Variants in KIZ observed in about 807,000 individuals in gnomAD.
The protein encoded by KIZ is centrosomal protein kizuna.
In KIZ, 68 loss-of-function variants were observed where a neutral mutation model predicts 79.6. The ratio of observed to expected loss-of-function variants is 0.85; its 90% CI spans 0.70 to 1.05. The LOEUF (loss-of-function observed/expected upper bound fraction) is 1.05, where lower values mean the gene tolerates loss of function less well. Ranked by LOEUF, KIZ falls within the 50% of genes least tolerant of loss-of-function variation. The pLI is 0.00. For synonymous variants in KIZ, 280 were observed against 281.8 expected (o/e 0.99, Z 0.06); for missense variants, 797 against 800.4 (o/e 1.00, Z 0.05).
chr20:21,162,784 G>C, intron 5 of KIZ, 66 bp from the exon 6 acceptor site: 1 of 1,265,550 alleles, frequency 7.9e-7, no homozygotes, highest in Non-Finnish European at 1.1e-6. Context: ...GAGTAATTCT[G>C]CTGTGTGTTA....
At chr20:21,163,411 C>T (rs1363522556) in intron 6 of KIZ, among the ~76,000 whole-genome samples, 2 of 152,112 alleles carry the variant, frequency 1.3e-5, no homozygotes, top group Non-Finnish European at 2.9e-5. Flanking sequence ...ATGGTGATTG[C>T]AGCTTATAAT....
At chr20:21,235,716 G>C (rs1247130783) in intron 11 of KIZ, among the ~76,000 whole-genome samples, 1 of 152,258 alleles carries the variant, frequency 6.6e-6, no homozygotes, top group East Asian at 1.9e-4. Context: ...CAAAAGGAAA[G>C]GGTGTGTGCT....
chr20:21,166,616 C>A, intron 6 of KIZ: 1 of 1,059,804 alleles, frequency 9.4e-7, no homozygotes, highest in Admixed American at 2.3e-5. Context: ...GCGGAAAGAG[C>A]TTTTGTATTT....
rs1258363809 is a variant in KIZ at position 21,162,424 on chromosome 20, T to C, written c.959T>C (p.Val320Ala). ...EVEEKRASPPVSPIPVSEYCE... is the reference protein window; with the variant it reads ...EVEEKRASPPASPIPVSEYCE... ...GAGGAAAAAAGAGCCAGCCCGCCAG[T>C]CTCTCCGATACCAGTTTCAGAATAC... The change falls in exon 5 of 13, where the codon GTC (valine) becomes GCC (alanine). Residue 320 changes from valine (V) to alanine (A), a missense_variant. Coordinates refer to ENST00000619189, the MANE Select transcript of KIZ (RefSeq NM_018474.6). The C allele has an allele frequency of 6.2e-7, 1 of 1,612,962 alleles. No homozygotes were observed. Among genetic ancestry groups the C allele is most frequent in the East Asian group, 2.2e-5 (1 of 44,850 alleles).
chr20:21,214,632 A>T lies in KIZ; in HGVS notation c.1544A>T (p.Asn515Ile), dbSNP rs2036213730. ...TCTTGCAGCTTGCCATCTATTCTGA[A>T]TGACAATAGTGGAATAAAGGAAGCC... ...ESSCSLPSIL[N>I]DNSGIKEAKP... Residue 515 changes from asparagine to isoleucine, a missense_variant, in exon 8 of 13, where the codon AAT becomes ATT. Transcript: ENST00000619189. The T allele has an allele frequency of 6.2e-7, 1 of 1,612,800 alleles. No homozygotes were observed. The highest frequency in any genetic ancestry group is 8.5e-7 in the Non-Finnish European group (1 of 1,178,820).
chr20:21,193,082 C>G (rs1418663327), intron 6 of KIZ, among the ~76,000 whole-genome samples: 1 of 152,000 alleles, frequency 6.6e-6, no homozygotes, highest in African/African-American at 2.4e-5. Context: ...GAGGGAAGGT[C>G]AGAGAGACCT....
chr20:21,136,646 T>G, intron 3 of KIZ, 94 bp downstream of exon 3: 4 of 894,634 alleles, frequency 4.5e-6, no homozygotes, highest in Non-Finnish European at 6.6e-6. Context: ...TTACCCAGGC[T>G]AGACTTGAAC....
intron 9 of KIZ, among the ~76,000 whole-genome samples, chr20:21,224,133 A>G (rs1053063605): frequency 3.3e-5 from 5 of 151,996 alleles, no homozygotes; most frequent in African/African-American, 1.2e-4. Context: ...AGCTGGGACT[A>G]CAGGCACGCG....
chr20:21,208,730 A>G (rs983261368), intron 7 of KIZ, among the ~76,000 whole-genome samples: 4 of 152,022 alleles, frequency 2.6e-5, no homozygotes, highest in Non-Finnish European at 4.4e-5. Flanking sequence ...ATAAACAGGT[A>G]ATTTCTCATC....
intron 6 of KIZ, among the ~76,000 whole-genome samples, chr20:21,190,926 A>T (rs1464484941): frequency 6.6e-6 from 1 of 152,224 alleles, no homozygotes; most frequent in Admixed American, 6.5e-5. Context: ...TCAGTTTCAG[A>T]TGCTCAGCCT....
rs547763532 is a variant in KIZ at position 21,242,458 on chromosome 20, T to C, written c.1881-1787T>C. ...TGAGTGTGTGTCACCAGTTAGGAGG[T>C]TGTTGCAGAGAGAGAAGCAAGAGCT... On this transcript the variant is annotated intron_variant, in intron 11 of 12. Transcript: ENST00000619189. Among the ~76,000 whole-genome samples the C allele has an allele frequency of 6.6e-5, 10 of 151,350 alleles. No individual in the cohort carries two copies. In the South Asian group the frequency reaches 2.1e-3, roughly 32 times the overall value.
intron 3 of KIZ, among the ~76,000 whole-genome samples, chr20:21,137,289 G>GCCTGCTGCTGCTTGGCTT (rs2032248755): frequency 6.6e-6 from 1 of 152,072 alleles, no homozygotes; most frequent in African/African-American, 2.4e-5. Flanking sequence ...GTGCTTGGCT[G>GCCTGCTGCTGCTTGGCTT]CCTGCTGCTG....
rs1380746427 is a variant in KIZ, at chr20:21,200,288, G to C, written c.1353-5203G>C. Among the ~76,000 whole-genome samples, 3 of 152,198 alleles carry C rather than the reference G, an allele frequency of 2.0e-5. No individual in the cohort carries two copies. In the East Asian group the frequency reaches 5.8e-4, roughly 29 times the overall value. On this transcript the variant is annotated intron_variant, in intron 6 of 12. Transcript: ENST00000619189. ...TAGAGCAGCAGTCCCTAACCTTTTT[G>C]GCACCAGGGACCAGTTTTGTTTAAG...
At chr20:21,236,106 C>T (rs906944519) in intron 11 of KIZ, among the ~76,000 whole-genome samples, 6 of 152,174 alleles carry the variant, frequency 3.9e-5, no homozygotes, top group African/African-American at 7.2e-5. Flanking sequence ...AGCCTACATA[C>T]GTTGTTTTTT....
At chr20:21,239,342 C>T (rs573804983) in intron 11 of KIZ, among the ~76,000 whole-genome samples, 2 of 152,324 alleles carry the variant, frequency 1.3e-5, no homozygotes, top group Admixed American at 1.3e-4. Context: ...TCAGGAGGCC[C>T]TGTGGGGCGG....
intron 11 of KIZ, among the ~76,000 whole-genome samples, chr20:21,234,195 C>G (rs1293155708): frequency 6.6e-6 from 1 of 152,148 alleles, no homozygotes; most frequent in Admixed American, 6.5e-5. Context: ...ATTTCTCAGT[C>G]TAATAATTTC....
chr20:21,178,175 A>G (rs1489310750), intron 6 of KIZ, among the ~76,000 whole-genome samples: 1 of 152,022 alleles, frequency 6.6e-6, no homozygotes. Flanking sequence ...GGTAGTATGG[A>G]CACTTTAACA....
chr20:21,166,321 G>A (rs903019092), intron 6 of KIZ: 22 of 1,604,240 alleles, frequency 1.4e-5, no homozygotes, highest in Admixed American at 8.3e-5. Flanking sequence ...GATGGAAGCA[G>A]ATTATTCTGC....
intron 11 of KIZ, among the ~76,000 whole-genome samples, chr20:21,241,841 T>G (rs1300998856): frequency 2.0e-5 from 3 of 152,234 alleles, no homozygotes; most frequent in African/African-American, 7.2e-5. Context: ...TTTACAGCCT[T>G]GTGCATGACT....
Sources: gnomAD v4.1 joint callset for allele counts (sites outside exome capture counted in the v4.1 genomes callset) on GRCh38, gnomAD v4.1.1 for gene constraint, MANE v1.5 for transcripts, NCBI Gene and HGNC (gene_info 2026-07-23, HGNC 2026-07-21) for gene names.